MAP4K2: variants seen among roughly 807,000 people sequenced by gnomAD.
MAP4K2 encodes the protein B lymphocyte serine/threonine protein kinase.
MAP4K2 carries 85 observed loss-of-function variants against 125.3 expected under a neutral mutation model. The ratio of observed to expected loss-of-function variants is 0.68; its 90% CI spans 0.57 to 0.81. MAP4K2 has a LOEUF of 0.81. Among genes scored for constraint, MAP4K2 ranks in the 40% least tolerant of loss-of-function variants. MAP4K2 has a pLI of 0.00. For synonymous variants in MAP4K2, 479 were observed against 445.1 expected (o/e 1.08, Z -0.96); for missense variants, 923 against 1,056.4 (o/e 0.87, Z 1.75).
At chr11:64,798,710 C>T (rs1940976988) in intron 15 of MAP4K2, 84 bp downstream of exon 15, 4 of 1,474,610 alleles carry the variant, frequency 2.7e-6, no homozygotes, top group Admixed American at 1.7e-5. Flanking sequence ...GCTGGGATTA[C>T]AGGCATGAGC....
At chr11:64,793,811 A>G (rs1940635274) in intron 24 of MAP4K2, among the ~76,000 whole-genome samples, 1 of 152,158 alleles carries the variant, frequency 6.6e-6, no homozygotes, top group African/African-American at 2.4e-5. Flanking sequence ...TGCCTCTGCC[A>G]TTTCCCGAAC....
chr11:64,801,635 G>A lies in MAP4K2; in HGVS notation c.415-14C>T, dbSNP rs748389657. On this transcript the variant is annotated splice_polypyrimidine_tract_variant and intron_variant, in intron 6 of 31. Coordinates refer to ENST00000294066, the MANE Select transcript of MAP4K2 (RefSeq NM_004579.5). ...AAGGTTGGCTCCCTGTGGGAATGGA[G>A]GAGAGACAATCCCATCTGGTGCCCC... 3 of 1,613,966 alleles carry A rather than the reference G, an allele frequency of 1.9e-6. No individual in the cohort carries two copies. The highest frequency in any genetic ancestry group is 1.1e-5 in the South Asian group (1 of 91,080).
Position 64,797,653 on chromosome 11 carries a change from T to A in MAP4K2, c.1109A>T (p.Gln370Leu), listed in dbSNP as rs1220653056. ...GKEELSGSLL[Q>L]SVQEALEERS... Reference sequence around the variant, plus strand: ...TTCCTCCAGGGCCTCCTGGACCGACTGCAGCAGGCTCCTGGGCAGTGGGGA... The same window carrying A: ...TTCCTCCAGGGCCTCCTGGACCGACAGCAGCAGGCTCCTGGGCAGTGGGGA... Residue 370 changes from glutamine (Q) to leucine (L), a missense_variant, in exon 16 of 32, where the codon CAG becomes CTG. By Grantham distance (113) the Gln-to-Leu change is moderately radical. Transcript: ENST00000294066. 8 of 1,572,798 alleles carry A rather than the reference T, an allele frequency of 5.1e-6. No homozygotes were observed. The highest frequency in any genetic ancestry group is 6.9e-6 in the Non-Finnish European group (8 of 1,158,292).
chr11:64,794,984 C>A (rs12794138), intron 24 of MAP4K2, among the ~76,000 whole-genome samples: 2 of 152,088 alleles, frequency 1.3e-5, no homozygotes, highest in Non-Finnish European at 2.9e-5. Context: ...CCTCAACCTC[C>A]TGGGTTCAAG....
rs1941024414 is a variant in MAP4K2, at chr11:64,799,440, G to A, written c.1034C>T (p.Thr345Ile). The change falls in exon 14 of 32, where the codon ACT becomes ATT. Residue 345 changes from threonine (T) to isoleucine (I), a missense_variant. Coordinates refer to ENST00000294066, the MANE Select transcript of MAP4K2 (RefSeq NM_004579.5). ...ACTCACCGGCTCATTCAGTGGGTCA[G>A]TTTCCTTCCTGCGTGGGGCGCCAAA... is the stretch of plus-strand genomic sequence containing the variant. ...VKFGAPRRKE[T>I]DPLNEPWEEE... The A allele has an allele frequency of 6.2e-7, 1 of 1,612,434 alleles. No homozygotes were observed. Among genetic ancestry groups the A allele is most frequent in the Non-Finnish European group, 8.5e-7 (1 of 1,179,540 alleles).
rs1371357202 is a variant in MAP4K2 at position 64,802,290 on chromosome 11, T to G, written c.310+129A>C. On this transcript the variant is annotated intron_variant, in intron 4 of 31. Coordinates refer to ENST00000294066, the MANE Select transcript of MAP4K2 (RefSeq NM_004579.5). Reference sequence around the variant, plus strand: ...AACCCAGAGATGGACAGTATTTCTCTCAAGGTCACACAGCCAGGCAGGAGT... The same window carrying G: ...AACCCAGAGATGGACAGTATTTCTCGCAAGGTCACACAGCCAGGCAGGAGT... The G allele has an allele frequency of 2.6e-6, 3 of 1,157,334 alleles. No homozygotes were observed. In the South Asian group the frequency reaches 4.2e-5, roughly 16 times the overall value. The allele number at this position is 1,157,334 out of a possible 1,614,324, so 71.7% of individuals were successfully genotyped here. A position where few individuals can be genotyped will look rare whatever the true frequency, so the allele number is the denominator to read the frequency against.
At chr11:64,790,059 G>A (rs1940383391) in intron 29 of MAP4K2, 100 bp from the exon 30 acceptor site, 7 of 1,543,960 alleles carry the variant, frequency 4.5e-6, no homozygotes, top group Non-Finnish European at 6.2e-6. Context: ...ACTGACCTCA[G>A]GTGACCAGGA....
At chr11:64,793,129 T>C (rs1376983649) in intron 24 of MAP4K2, among the ~76,000 whole-genome samples, 2 of 151,976 alleles carry the variant, frequency 1.3e-5, no homozygotes, top group Admixed American at 6.6e-5. Flanking sequence ...GGCAGGAGAA[T>C]TGCTTGAACC....
chr11:64,799,959 A>G, intron 12 of MAP4K2, 150 bp downstream of exon 12: 1 of 707,988 alleles, frequency 1.4e-6, no homozygotes, highest in African/African-American at 1.8e-5. Flanking sequence ...AACAAAAGTC[A>G]GCATGACAGA....
chr11:64,792,550 G>A lies in MAP4K2; in HGVS notation c.1752-128C>T, dbSNP rs1198690650. On this transcript the variant is annotated intron_variant, in intron 24 of 31. Coordinates refer to ENST00000294066, the MANE Select transcript of MAP4K2 (RefSeq NM_004579.5). ...TAAGGGACTGAGACTCAGAGACACA[G>A]AGTAACTTGCCCCAAGAACAGCTGG... 4.0e-5 allele frequency: 31 copies of A among 766,212 alleles called. No homozygotes were observed. In the East Asian group the frequency reaches 8.1e-4, roughly 20 times the overall value. 47.5% of individuals were successfully genotyped at this position (766,212 alleles called of 1,614,324 possible).
Position 64,803,149 on chromosome 11 carries a change from TG to T in MAP4K2, c.-1del. The T allele has an allele frequency of 7.0e-7, 1 of 1,435,040 alleles. No homozygotes were observed. Among genetic ancestry groups the T allele is most frequent in the Non-Finnish European group, 9.1e-7 (1 of 1,096,896 alleles). 88.9% of individuals were successfully genotyped at this position (1,435,040 alleles called of 1,614,324 possible). ...AGCGACACATCCCGCAGCAGCGCCA[TG>T]GCCCGGCGCCGGGCGGGCCGGCAGG... On this transcript the variant is annotated 5_prime_UTR_variant, in exon 1 of 32. Coordinates refer to ENST00000294066, the MANE Select transcript of MAP4K2 (RefSeq NM_004579.5).
intron 27 of MAP4K2, among the ~76,000 whole-genome samples, chr11:64,791,075 G>A (rs1940447434): frequency 2.0e-5 from 3 of 152,230 alleles, no homozygotes; most frequent in Admixed American, 2.0e-4. Context: ...GGCAGAGGTT[G>A]CAGTGAGCCG....
At position 64,799,458 on chromosome 11, in the gene MAP4K2, G is replaced by GA; in HGVS notation, c.1015_1016insT (p.Ala339ValfsTer8). The GA allele has an allele frequency of 6.2e-7, 1 of 1,611,614 alleles. No individual in the cohort carries two copies. The highest frequency in any genetic ancestry group is 8.5e-7 in the Non-Finnish European group (1 of 1,179,304). On this transcript the variant is annotated frameshift_variant, in exon 14 of 32. Transcript: ENST00000294066. LOFTEE classifies it high-confidence loss of function. ...TGGGTCAGTTTCCTTCCTGCGTGGG[G>GA]CGCCAAATTTCACCTGGTGAACTGG... is the stretch of plus-strand genomic sequence containing the variant.
chr11:64,800,514 G>A (rs527283810), intron 10 of MAP4K2, 122 bp from the exon 11 acceptor site: 25 of 1,192,770 alleles, frequency 2.1e-5, no homozygotes, highest in South Asian at 4.2e-5. Context: ...GGAGCCAGCC[G>A]AGGCCAAGGG....
At chr11:64,801,543 G>A (rs529644955) in intron 7 of MAP4K2, 36 bp downstream of exon 7, 2 of 1,612,924 alleles carry the variant, frequency 1.2e-6, no homozygotes, top group Non-Finnish European at 8.5e-7. Flanking sequence ...AGGGTCCACA[G>A]AGCCCTCACC....
rs1451791158 is a variant in MAP4K2 at position 64,803,200 on chromosome 11, G to C, written c.-51C>G. On this transcript the variant is annotated 5_prime_UTR_variant, in exon 1 of 32. Coordinates refer to ENST00000294066, the MANE Select transcript of MAP4K2 (RefSeq NM_004579.5). ...GCGGGCGGGCGCGAGCTGCGGAGCCGGCGCGGGGCGGCGCGGGGCGGGGCG... is the reference window on the plus strand; with the variant it reads ...GCGGGCGGGCGCGAGCTGCGGAGCCCGCGCGGGGCGGCGCGGGGCGGGGCG... 1.4e-6 allele frequency: 1 copy of C among 705,284 alleles called. No individual in the cohort carries two copies. Among genetic ancestry groups the C allele is most frequent in the Non-Finnish European group, 1.7e-6 (1 of 577,352 alleles). 43.7% of individuals were successfully genotyped at this position (705,284 alleles called of 1,614,324 possible). A position where few individuals can be genotyped will look rare whatever the true frequency, so the allele number is the denominator to read the frequency against.
chr11:64,797,702 C>CTTTTT, intron 15 of MAP4K2, 38 bp from the exon 16 acceptor site: 1 of 1,270,436 alleles, frequency 7.9e-7, no homozygotes, highest in Admixed American at 3.7e-5. Flanking sequence ...GTCAACCTTT[C>CTTTTT]CTTTTTTTTT....
intron 2 of MAP4K2, 50 bp downstream of exon 2, chr11:64,802,824 ACCCCGCGCCCG>A (rs2136058974): frequency 1.3e-6 from 2 of 1,542,850 alleles, no homozygotes; most frequent in East Asian, 2.4e-5. Flanking sequence ...CTCCGCCCGC[ACCCCGCGCCCG>A]CGGGCGCTCT....
intron 2 of MAP4K2, 85 bp downstream of exon 2, chr11:64,802,800 C>T (rs928131808): frequency 1.8e-5 from 27 of 1,511,320 alleles, no homozygotes; most frequent in Non-Finnish European, 2.2e-5. Context: ...TCAGGGGTCT[C>T]GGAAACGTCA....
Sources: allele counts gnomAD v4.1 joint callset (sites outside exome capture counted in the v4.1 genomes callset), GRCh38; gene constraint gnomAD v4.1.1; transcripts MANE v1.5; gene names NCBI Gene and HGNC (gene_info 2026-07-23, HGNC 2026-07-21).